The following DPP10 variants were observed in gnomAD, a reference collection of about 807,000 sequenced individuals.
The protein encoded by DPP10 is dipeptidyl peptidase like 10, also known as inactive dipeptidyl peptidase 10.
In DPP10, 33 loss-of-function variants were observed where a neutral mutation model predicts 120.9. That is an observed-to-expected ratio of 0.27 (90% confidence interval 0.21 to 0.37). The LOEUF (loss-of-function observed/expected upper bound fraction) is 0.37, where lower values mean the gene tolerates loss of function less well. DPP10 is among the 10% of genes least tolerant of loss of function. The pLI is 1.00. For synonymous variants in DPP10, 337 were observed against 326.1 expected (o/e 1.03, Z -0.36); for missense variants, 816 against 942.8 (o/e 0.87, Z 1.76).
rs565879060 is a variant in DPP10, at chr2:115,064,716, G to T, written c.61-244523G>T. The T allele has an allele frequency of 1.7e-3, 2,206 of 1,303,128 alleles. 5 individuals carry two copies. Among genetic ancestry groups the T allele is most frequent in the Non-Finnish European group, 2.0e-3 (2,002 of 988,110 alleles). 80.7% of individuals were successfully genotyped at this position (1,303,128 alleles called of 1,614,324 possible). On this transcript the variant is annotated intron_variant, in intron 1 of 25. Transcript: ENST00000410059. ...GACATTGAAGTAAGATTCTGTGAGG[G>T]TGAGGTTGCATTTGTAGAAAGTGGT...
chr2:114,801,273 A>AAAAAAAAAAAAAAG (rs1278761461), intron 1 of DPP10, among the ~76,000 whole-genome samples: 3 of 77,808 alleles, frequency 3.9e-5, no homozygotes, highest in African/African-American at 1.1e-4. Context: ...AAAAAAAAAA[A>AAAAAAAAAAAAAAG]AAAAAAGAAA....
intron 5 of DPP10, among the ~76,000 whole-genome samples, chr2:115,633,324 C>G (rs1281592284): frequency 6.6e-6 from 1 of 152,076 alleles, no homozygotes; most frequent in Admixed American, 6.5e-5. Flanking sequence ...AGCAAACTAT[C>G]GCAAGGACAG....
intron 3 of DPP10, among the ~76,000 whole-genome samples, chr2:115,441,836 T>TG (rs934382879): frequency 6.4e-5 from 9 of 141,348 alleles, no homozygotes; most frequent in Non-Finnish European, 1.1e-4. Context: ...TTTTTTTTTT[T>TG]GACAGAGTCT....
At chr2:115,142,182 T>C (rs913287896) in intron 1 of DPP10, among the ~76,000 whole-genome samples, 3 of 152,192 alleles carry the variant, frequency 2.0e-5, no homozygotes, top group African/African-American at 7.2e-5. Flanking sequence ...GTTTCTACTT[T>C]AAAGGCTGCA....
chr2:114,593,559 T>C (rs912793841), intron 1 of DPP10, among the ~76,000 whole-genome samples: 7 of 152,234 alleles, frequency 4.6e-5, no homozygotes, highest in African/African-American at 1.7e-4. Flanking sequence ...CTTTCTAATA[T>C]TCATCGCAGT....
At chr2:114,683,834 A>G (rs1040476116) in intron 1 of DPP10, among the ~76,000 whole-genome samples, 4 of 152,020 alleles carry the variant, frequency 2.6e-5, no homozygotes, top group African/African-American at 9.6e-5. Context: ...GTGATATCCC[A>G]TCTTTCAAGA....
chr2:115,253,386 C>T lies in DPP10; in HGVS notation c.61-55853C>T, dbSNP rs535144204. Among the ~76,000 whole-genome samples the T allele has an allele frequency of 1.8e-3, 278 of 152,260 alleles. 1 individual carries two copies. Among genetic ancestry groups the T allele is most frequent in the Middle Eastern group, 0.01 (3 of 294 alleles). ...CATTTCCTTCTCACATTACAAAATA[C>T]AAAAATCTTGTCCCAATAGTCCCCC... On this transcript the variant is annotated intron_variant, in intron 1 of 25. Transcript: ENST00000410059.
intron 1 of DPP10, among the ~76,000 whole-genome samples, chr2:115,041,117 C>CA (rs10577275): frequency 1.4e-4 from 18 of 127,932 alleles, no homozygotes; most frequent in African/African-American, 4.6e-4. Context: ...TAGCTCAAAA[C>CA]AAAAAAAAAA....
At chr2:114,466,964 C>G (rs1462448729) in intron 1 of DPP10, among the ~76,000 whole-genome samples, 1 of 151,890 alleles carries the variant, frequency 6.6e-6, no homozygotes, top group African/African-American at 2.4e-5. Flanking sequence ...ATTGCTTGAA[C>G]CCGGAAGGCG....
At chr2:114,805,704 G>A (rs1249801034) in intron 1 of DPP10, among the ~76,000 whole-genome samples, 1 of 152,186 alleles carries the variant, frequency 6.6e-6, no homozygotes, top group East Asian at 1.9e-4. Context: ...CTGCTTGTGG[G>A]AGACACTCAG....
chr2:114,450,312 T>C (rs549256741), intron 1 of DPP10, among the ~76,000 whole-genome samples: 3 of 152,282 alleles, frequency 2.0e-5, no homozygotes, highest in African/African-American at 7.2e-5. Flanking sequence ...TGTTCTTACC[T>C]AATCGCCGAT....
chr2:115,688,703 CATT>C (rs1423993112), intron 5 of DPP10, among the ~76,000 whole-genome samples: 2 of 152,080 alleles, frequency 1.3e-5, no homozygotes, highest in African/African-American at 4.8e-5. Context: ...TTCATCATCT[CATT>C]ATTAAGAAGC....
intron 3 of DPP10, among the ~76,000 whole-genome samples, chr2:115,435,556 T>G (rs1288219556): frequency 6.6e-6 from 1 of 151,920 alleles, no homozygotes; most frequent in African/African-American, 2.4e-5. Flanking sequence ...ATTGATTTTT[T>G]TTGCTATTGA....
chr2:114,600,562 G>C (rs1383899351), intron 1 of DPP10, among the ~76,000 whole-genome samples: 2 of 151,694 alleles, frequency 1.3e-5, no homozygotes, highest in Non-Finnish European at 3.0e-5. Flanking sequence ...GGTTATGAAA[G>C]AAATCAAGGT....
chr2:115,501,998 C>A (rs2076705616), intron 4 of DPP10, among the ~76,000 whole-genome samples: 1 of 151,800 alleles, frequency 6.6e-6, no homozygotes, highest in South Asian at 2.1e-4. Context: ...CATGACAAGT[C>A]ATTTGAGAAA....
At position 114,651,739 on chromosome 2, in the gene DPP10, C is replaced by A. The variant is rs140325825; in HGVS notation, c.60+208901C>A. ...TTCTCATGAAAAGAAAAAAATTCAA[C>A]AATCCGCAACTGTTAGGAGATTTTA... On this transcript the variant is annotated intron_variant, in intron 1 of 25. Coordinates refer to ENST00000410059, the MANE Select transcript of DPP10 (RefSeq NM_020868.6). 2.0e-5 allele frequency among the ~76,000 whole-genome samples: 3 copies of A among 152,010 alleles called. No homozygotes were observed. The South Asian group carries it at 6.2e-4, about 31-fold the overall frequency.
chr2:115,681,414 T>G (rs1004840246), intron 5 of DPP10, among the ~76,000 whole-genome samples: 4 of 151,952 alleles, frequency 2.6e-5, no homozygotes, highest in Admixed American at 2.0e-4. Context: ...TATAGTGTTA[T>G]GCAAAGTTAC....
chr2:114,589,062 G>A (rs1691245906), intron 1 of DPP10, among the ~76,000 whole-genome samples: 1 of 150,918 alleles, frequency 6.6e-6, no homozygotes, highest in African/African-American at 2.4e-5. Flanking sequence ...GGGACGTACT[G>A]TTTATAAAAA....
At chr2:114,897,745 A>C (rs1321115653) in intron 1 of DPP10, among the ~76,000 whole-genome samples, 3 of 152,224 alleles carry the variant, frequency 2.0e-5, no homozygotes, top group African/African-American at 7.2e-5. Context: ...ACACATGACA[A>C]AATGCTCACC....
Sources: gnomAD v4.1 joint callset for allele counts (sites outside exome capture counted in the v4.1 genomes callset) on GRCh38, gnomAD v4.1.1 for gene constraint, MANE v1.5 for transcripts, NCBI Gene and HGNC (gene_info 2026-07-23, HGNC 2026-07-21) for gene names.